CD74: variants seen among roughly 807,000 people sequenced by gnomAD.
CD74 encodes HLA class II histocompatibility antigen gamma chain.
A neutral mutation model predicts 37.1 loss-of-function variants in CD74; 20 were observed. The observed-to-expected ratio is 0.54, with a 90% CI of 0.38 to 0.78. The LOEUF is 0.78. CD74 is among the 30% of genes least tolerant of loss of function. The pLI is 0.00. For synonymous variants in CD74, 150 were observed against 152.0 expected (o/e 0.99, Z 0.10); for missense variants, 338 against 389.5 (o/e 0.87, Z 1.11).
intron 1 of CD74, among the ~76,000 whole-genome samples, chr5:150,411,179 G>A (rs551437940): frequency 2.6e-5 from 4 of 152,184 alleles, no homozygotes; most frequent in East Asian, 1.9e-4. Context: ...TAGCCTTTAC[G>A]TATGTAAATA....
intron 6 of CD74, 55 bp downstream of exon 6, chr5:150,404,625 G>T (rs2151176645): frequency 1.7e-6 from 2 of 1,156,118 alleles, no homozygotes; most frequent in Non-Finnish European, 1.3e-6. Flanking sequence ...AGCAGCTTCA[G>T]GAGAGCCCCG....
chr5:150,412,416 G>T (rs1348810392), intron 1 of CD74, among the ~76,000 whole-genome samples: 1 of 152,222 alleles, frequency 6.6e-6, no homozygotes. Flanking sequence ...ACAAACTCCT[G>T]CTCTTAAAGG....
chr5:150,406,992 C>A (rs780148338), intron 2 of CD74, 32 bp from the exon 3 acceptor site: 1 of 1,564,660 alleles, frequency 6.4e-7, no homozygotes, highest in South Asian at 1.2e-5. Flanking sequence ...TAAGTGTGGC[C>A]CCGGTGCCCA....
intron 1 of CD74, among the ~76,000 whole-genome samples, chr5:150,409,674 T>C (rs1245242228): frequency 2.5e-5 from 3 of 122,126 alleles, no homozygotes; most frequent in Non-Finnish European, 4.8e-5. Flanking sequence ...TCCTGGGGGA[T>C]AGAGTGAGAC....
In CD74 at chr5:150,402,005, C is replaced by T; in HGVS notation, c.*235G>A. 2.0e-6 allele frequency: 3 copies of T among 1,524,618 alleles called. No homozygotes were observed. Among genetic ancestry groups the T allele is most frequent in the Non-Finnish European group, 2.6e-6 (3 of 1,136,080 alleles). 94.4% of individuals were successfully genotyped at this position (1,524,618 alleles called of 1,614,324 possible). A position where few individuals can be genotyped will look rare whatever the true frequency, so the allele number is the denominator to read the frequency against. On this transcript the variant is annotated 3_prime_UTR_variant, in exon 9 of 9. Coordinates refer to ENST00000009530, the MANE Select transcript of CD74 (RefSeq NM_001025159.3). The surrounding 1 kb of genome is among the most constrained non-coding windows in gnomAD (Gnocchi z 4.2). ...GATCTGTCTAGCTTTTGGCCACTTC[C>T]TGGGACCTCACGCCCCTGTTGACAG...
Position 150,406,242 on chromosome 5 carries a change from T to A in CD74, c.441+17A>T, listed in dbSNP as rs201263243. The A allele has an allele frequency of 2.7e-5, 44 of 1,609,958 alleles. No homozygotes were observed. The highest frequency in any genetic ancestry group is 6.7e-5 in the East Asian group (3 of 44,888). On this transcript the variant is annotated intron_variant, in intron 4 of 8. Transcript: ENST00000009530. ...GGGTGGGCAGGCAGGACCACCCAGC[T>A]AGCTCCCTGCACTCACCTGGAGCAG...
intron 1 of CD74, among the ~76,000 whole-genome samples, chr5:150,410,454 A>C (rs1770274254): frequency 6.6e-6 from 1 of 152,232 alleles, no homozygotes; most frequent in Non-Finnish European, 1.5e-5. Context: ...GTTACATTAA[A>C]TAAGATGATG....
Position 150,402,356 on chromosome 5 carries a change from C to T in CD74, c.881-106G>A. The T allele has an allele frequency of 2.2e-6, 2 of 924,062 alleles. No homozygotes were observed. The highest frequency in any genetic ancestry group is 1.4e-5 in the South Asian group (1 of 69,374). 57.2% of individuals were successfully genotyped at this position (924,062 alleles called of 1,614,324 possible). A position where few individuals can be genotyped will look rare whatever the true frequency, so the allele number is the denominator to read the frequency against. On this transcript the variant is annotated intron_variant, in intron 8 of 8. Coordinates refer to ENST00000009530, the MANE Select transcript of CD74 (RefSeq NM_001025159.3). The surrounding 1 kb of genome is among the most constrained non-coding windows in gnomAD (Gnocchi z 4.2). The stretch of plus-strand genomic sequence containing the variant: ...GCAGTTAAGGACTGTCCACCCTCCC[C>T]TGCCCCCTGCTCAGGTCCAATAATG...
Position 150,402,841 on chromosome 5 carries a change from A to G in CD74, c.818-216T>C, listed in dbSNP as rs1244273650. 6.6e-6 allele frequency among the ~76,000 whole-genome samples: 1 copy of G among 152,234 alleles called. No individual in the cohort carries two copies. The highest frequency in any genetic ancestry group is 1.5e-5 in the Non-Finnish European group (1 of 68,046). The stretch of plus-strand genomic sequence containing the variant: ...ATGGGTGGGTCTGTAGGACTCCTGG[A>G]TGCTAGAGGATGGCGCGTGGATGGA... On this transcript the variant is annotated intron_variant, in intron 7 of 8. Coordinates refer to ENST00000009530, the MANE Select transcript of CD74 (RefSeq NM_001025159.3). The surrounding 1 kb of genome is among the most constrained non-coding windows in gnomAD (Gnocchi z 4.2).
rs750622674 is a variant in CD74, at chr5:150,403,003, C to T, written c.817+118G>A. On this transcript the variant is annotated intron_variant, in intron 7 of 8. Transcript: ENST00000009530. The surrounding 1 kb of genome is among the most constrained non-coding windows in gnomAD (Gnocchi z 4.5). ...GGCTGGACGCATGACTACGTCACTG[C>T]CCCCAGGAGCTGCCATCCTGGGTGT... 2 of 785,940 alleles carry T rather than the reference C, an allele frequency of 2.5e-6. No individual in the cohort carries two copies. The highest frequency in any genetic ancestry group is 4.1e-6 in the Non-Finnish European group (2 of 486,268). The allele number at this position is 785,940 out of a possible 1,614,324, so 48.7% of individuals were successfully genotyped here.
rs1030486113 is a variant in CD74 at position 150,407,915 on chromosome 5, T to C, written c.126-591A>G. Reference sequence around the variant, plus strand: ...GACTACAGGCACCCGCCACCACGCCTGGCTAATTATTTTGTATTTTTGATA... The same window carrying C: ...GACTACAGGCACCCGCCACCACGCCCGGCTAATTATTTTGTATTTTTGATA... On this transcript the variant is annotated intron_variant, in intron 1 of 8. Transcript: ENST00000009530. The surrounding 1 kb of genome is among the most constrained non-coding windows in gnomAD (Gnocchi z 4.4). 2.6e-5 allele frequency among the ~76,000 whole-genome samples: 4 copies of C among 152,026 alleles called. No individual in the cohort carries two copies. The highest frequency in any genetic ancestry group is 7.2e-5 in the African/African-American group (3 of 41,390).
rs1374313263 is a variant in CD74 at position 150,403,599 on chromosome 5, C to G, written c.626-287G>C. On this transcript the variant is annotated intron_variant, in intron 6 of 8. Transcript: ENST00000009530. This position sits in a 1 kb window ranked among gnomAD's most constrained non-coding sequence, Gnocchi z 4.5. ...TTGGGCCAGGCACAGTGGCTCATGCCTGTAATCTTAGCACTTTGGGAGGCC... is the reference window on the plus strand; with the variant it reads ...TTGGGCCAGGCACAGTGGCTCATGCGTGTAATCTTAGCACTTTGGGAGGCC... Among the ~76,000 whole-genome samples, 1 of 152,224 alleles carries G rather than the reference C, an allele frequency of 6.6e-6. No homozygotes were observed. The highest frequency in any genetic ancestry group is 1.5e-5 in the Non-Finnish European group (1 of 68,038).
At chr5:150,404,810 C>T (rs1227451451) in intron 5 of CD74, 43 bp from the exon 6 acceptor site, 1 of 1,305,754 alleles carries the variant, frequency 7.7e-7, no homozygotes, top group Admixed American at 2.0e-5. Flanking sequence ...TGGCCACCAC[C>T]AAGCCCCTAC....
intron 3 of CD74, chr5:150,406,640 T>C (rs1769978248): frequency 1.7e-6 from 1 of 584,682 alleles, no homozygotes; most frequent in Non-Finnish European, 3.1e-6. Flanking sequence ...CTATAGGAAA[T>C]GAGAAGCACT....
At chr5:150,409,707 A>AC (rs1770219854) in intron 1 of CD74, among the ~76,000 whole-genome samples, 2 of 146,768 alleles carry the variant, frequency 1.4e-5, no homozygotes, top group South Asian at 2.2e-4. Context: ...AACATAACAA[A>AC]AAAAAAAAAA....
Position 150,407,069 on chromosome 5 carries a change from G to GC in CD74, c.298+82dup, listed in dbSNP as rs1770010857. 3 of 1,544,006 alleles carry GC rather than the reference G, an allele frequency of 1.9e-6. No homozygotes were observed. Among genetic ancestry groups the GC allele is most frequent in the Non-Finnish European group, 1.8e-6 (2 of 1,123,930 alleles). On this transcript the variant is annotated intron_variant, in intron 2 of 8. Transcript: ENST00000009530. The surrounding 1 kb of genome is among the most constrained non-coding windows in gnomAD (Gnocchi z 4.4). ...CCAAACCGGAGGGAGAGGACAGTGG[G>GC]CCCAGCTGGGTGCAGGGATGCGGGT...
chr5:150,403,447 T>C lies in CD74; in HGVS notation c.626-135A>G. The C allele has an allele frequency of 1.3e-6, 1 of 764,320 alleles. No individual in the cohort carries two copies. The highest frequency in any genetic ancestry group is 2.1e-5 in the Admixed American group (1 of 47,422). 47.3% of individuals were successfully genotyped at this position (764,320 alleles called of 1,614,324 possible). ...CAAGTGGCTTTACTCACTCCAGCCA[T>C]CACACGGATGGGAAAACTGAGGCCT... On this transcript the variant is annotated intron_variant, in intron 6 of 8. Transcript: ENST00000009530. This position sits in a 1 kb window ranked among gnomAD's most constrained non-coding sequence, Gnocchi z 4.5.
At chr5:150,412,235 G>A (rs528072291) in intron 1 of CD74, among the ~76,000 whole-genome samples, 1 of 152,342 alleles carries the variant, frequency 6.6e-6, no homozygotes, top group South Asian at 2.1e-4. Context: ...AAAGTGCTGG[G>A]ATTACAGGCG....
At chr5:150,410,851 C>T (rs1475606373) in intron 1 of CD74, among the ~76,000 whole-genome samples, 1 of 152,126 alleles carries the variant, frequency 6.6e-6, no homozygotes, top group African/African-American at 2.4e-5. Context: ...AAAGGGAAAA[C>T]TAGACAAGGA....
Sources: allele counts gnomAD v4.1 joint callset (sites outside exome capture counted in the v4.1 genomes callset), GRCh38; gene constraint gnomAD v4.1.1; non-coding constraint Gnocchi (gnomAD v3.1); transcripts MANE v1.5; gene names NCBI Gene and HGNC (gene_info 2026-07-23, HGNC 2026-07-21).